Variants in VIT observed in about 807,000 individuals in gnomAD.
VIT encodes the protein vitrin.
Under a neutral mutation model 78.0 loss-of-function variants are expected in VIT, and 99 were observed. That is an observed-to-expected ratio of 1.27 (90% CI 1.08 to 1.50). The LOEUF is 1.50. Among genes scored for constraint, VIT ranks in the 40% most tolerant of loss-of-function variants. The pLI, the probability that VIT is intolerant of heterozygous loss-of-function variation, is 0.00. For synonymous variants in VIT, 374 were observed against 334.3 expected (o/e 1.12, Z -1.29); for missense variants, 1,126 against 875.3 (o/e 1.29, Z -3.61).
chr2:36,792,146 T>A (rs1316210321), intron 12 of VIT, among the ~76,000 whole-genome samples: 1 of 152,140 alleles, frequency 6.6e-6, no homozygotes, highest in East Asian at 1.9e-4. Flanking sequence ...GGCAAGGGGA[T>A]GAGACCCAGA....
intron 2 of VIT, among the ~76,000 whole-genome samples, chr2:36,721,101 G>T (rs539480837): frequency 6.6e-6 from 1 of 151,902 alleles, no homozygotes; most frequent in African/African-American, 2.4e-5. Flanking sequence ...TTATAAAACC[G>T]CATTGTTTAC....
intron 5 of VIT, among the ~76,000 whole-genome samples, chr2:36,758,733 ACT>A (rs1349878997): frequency 6.6e-6 from 1 of 152,178 alleles, no homozygotes; most frequent in Non-Finnish European, 1.5e-5. Context: ...ATGTTAAGCA[ACT>A]CTGAATCATG....
chr2:36,706,336 A>G (rs967295982), intron 1 of VIT, among the ~76,000 whole-genome samples: 1 of 152,208 alleles, frequency 6.6e-6, no homozygotes, highest in Non-Finnish European at 1.5e-5. Flanking sequence ...TAAATATGAG[A>G]AGGGTTTTAA....
chr2:36,727,307 C>A (rs1257151618), intron 2 of VIT, among the ~76,000 whole-genome samples: 3 of 152,142 alleles, frequency 2.0e-5, no homozygotes, highest in Non-Finnish European at 2.9e-5. Context: ...CACATGGGTG[C>A]ACACAATAGG....
chr2:36,733,923 G>A (rs1298894445), intron 3 of VIT, among the ~76,000 whole-genome samples: 2 of 152,160 alleles, frequency 1.3e-5, no homozygotes, highest in African/African-American at 4.8e-5. Context: ...ATATCTTACA[G>A]GATGCTACTG....
intron 6 of VIT, among the ~76,000 whole-genome samples, chr2:36,760,606 C>T (rs1324579641): frequency 2.0e-5 from 3 of 152,202 alleles, no homozygotes; most frequent in Admixed American, 6.5e-5. Flanking sequence ...CCTTAAGTGG[C>T]TGGCATCTCT....
At chr2:36,777,396 T>C (rs578025376) in intron 9 of VIT, among the ~76,000 whole-genome samples, 29 of 152,150 alleles carry the variant, frequency 1.9e-4, no homozygotes, top group South Asian at 1.7e-3. Context: ...ATCCCTCCAA[T>C]AGGTCTTTGC....
At chr2:36,736,730 CAACA>C (rs1667531264) in intron 3 of VIT, among the ~76,000 whole-genome samples, 1 of 152,218 alleles carries the variant, frequency 6.6e-6, no homozygotes, top group Non-Finnish European at 1.5e-5. Context: ...TCCCTATCCC[CAACA>C]CACACTCAGA....
Position 36,758,531 on chromosome 2 carries a change from C to T in VIT, c.410-438C>T, listed in dbSNP as rs77774427. ...ATTTACCTACTTTTAGGTTTTACTA[C>T]TGCTATGAAATTCAAATGAATCCCA... On this transcript the variant is annotated intron_variant, in intron 5 of 15. Transcript: ENST00000379242. 8.8e-3 allele frequency among the ~76,000 whole-genome samples: 1,335 copies of T among 152,318 alleles called. 8 individuals carry two copies. The highest frequency in any genetic ancestry group is 0.014 in the Non-Finnish European group (930 of 68,034).
intron 4 of VIT, among the ~76,000 whole-genome samples, chr2:36,752,671 C>T (rs1353030702): frequency 6.6e-6 from 1 of 152,252 alleles, no homozygotes; most frequent in African/African-American, 2.4e-5. Context: ...CCTCCTCCTC[C>T]AGTGTCTCCT....
In VIT at chr2:36,742,208, G is replaced by A. The variant is rs148793978; in HGVS notation, c.119-892G>A. Among the ~76,000 whole-genome samples the A allele has an allele frequency of 8.5e-3, 1,295 of 152,240 alleles. 11 individuals are homozygous for A. The highest frequency in any genetic ancestry group is 0.029 in the African/African-American group (1,214 of 41,538). ...GTTATTGAGGAAAAATCTTTGCAGG[G>A]AAATTGCAGTCCTACCCCTTCTGGG... On this transcript the variant is annotated intron_variant, in intron 3 of 15. Coordinates refer to ENST00000379242, the MANE Select transcript of VIT (RefSeq NM_053276.4).
intron 1 of VIT, among the ~76,000 whole-genome samples, chr2:36,704,387 TG>T (rs1665280333): frequency 6.6e-6 from 1 of 152,230 alleles, no homozygotes; most frequent in African/African-American, 2.4e-5. Context: ...GTTATTACTA[TG>T]GGCATGAACT....
intron 9 of VIT, among the ~76,000 whole-genome samples, chr2:36,779,515 G>C (rs1472649659): frequency 2.0e-5 from 3 of 152,176 alleles, no homozygotes; most frequent in African/African-American, 7.2e-5. Context: ...GTGCAGGTTT[G>C]TTACATAAGT....
intron 2 of VIT, among the ~76,000 whole-genome samples, chr2:36,720,256 G>A (rs996510158): frequency 2.0e-5 from 3 of 152,118 alleles, no homozygotes; most frequent in Non-Finnish European, 4.4e-5. Context: ...CAAAGCTATA[G>A]TAATCAAAAC....
intron 12 of VIT, among the ~76,000 whole-genome samples, chr2:36,800,238 G>A (rs773553053): frequency 2.6e-5 from 4 of 152,050 alleles, no homozygotes; most frequent in African/African-American, 4.8e-5. Flanking sequence ...CCAGCTACTC[G>A]GGAGGTTGAG....
Position 36,808,956 on chromosome 2 carries a change from G to T in VIT, c.1874G>T (p.Arg625Leu), listed in dbSNP as rs200500702. Residue 625 changes from arginine (R) to leucine (L), a missense_variant, in exon 15 of 16, where the codon CGG (arginine) becomes CTG (leucine). Coordinates refer to ENST00000379242, the MANE Select transcript of VIT (RefSeq NM_053276.4). ...GACGGGAGGTCCTACGACGACGTCC[G>T]GATCCCAGCCATGGCTGCCCATCTG... is the stretch of plus-strand genomic sequence containing the variant. ...ITDGRSYDDV[R>L]IPAMAAHLKG... 6 of 1,598,794 alleles carry T rather than the reference G, an allele frequency of 3.8e-6. No individual in the cohort carries two copies. The highest frequency in any genetic ancestry group is 1.3e-5 in the African/African-American group (1 of 74,782).
intron 1 of VIT, among the ~76,000 whole-genome samples, chr2:36,712,066 C>T (rs1018661578): frequency 2.1e-4 from 32 of 152,318 alleles, no homozygotes; most frequent in Admixed American, 4.6e-4. Flanking sequence ...AGCTCTGTGA[C>T]ATTGGACTGC....
chr2:36,718,487 C>T (rs116726397), intron 2 of VIT, among the ~76,000 whole-genome samples: 34 of 152,296 alleles, frequency 2.2e-4, no homozygotes, highest in African/African-American at 7.7e-4. Context: ...AATCACCCAA[C>T]CCTATGTAAC....
intron 1 of VIT, among the ~76,000 whole-genome samples, chr2:36,707,743 C>T (rs183153506): frequency 8.0e-4 from 122 of 152,126 alleles, no homozygotes; most frequent in African/African-American, 2.7e-3. Flanking sequence ...TAGCCTGACT[C>T]GGAGTACATC....
Sources: gnomAD v4.1 joint callset for allele counts (sites outside exome capture counted in the v4.1 genomes callset) on GRCh38, gnomAD v4.1.1 for gene constraint, MANE v1.5 for transcripts, NCBI Gene and HGNC (gene_info 2026-07-23, HGNC 2026-07-21) for gene names.